The following TRIM16 variants were observed in gnomAD, a reference collection of about 807,000 sequenced individuals.
TRIM16 encodes the protein tripartite motif-containing protein 16.
In TRIM16, 33 loss-of-function variants were observed where a neutral mutation model predicts 50.4. The ratio of observed to expected loss-of-function variants is 0.65; its 90% CI spans 0.50 to 0.88. The LOEUF is 0.88. Among genes scored for constraint, TRIM16 ranks in the 40% least tolerant of loss-of-function variants. The pLI, the probability that TRIM16 is intolerant of heterozygous loss-of-function variation, is 0.00. For synonymous variants in TRIM16, 229 were observed against 270.7 expected (o/e 0.85, Z 1.51); for missense variants, 581 against 686.8 (o/e 0.85, Z 1.72).
intron 6 of TRIM16, among the ~76,000 whole-genome samples, chr17:15,659,158 T>G (rs894739601): frequency 1.3e-5 from 2 of 152,204 alleles, no homozygotes; most frequent in African/African-American, 4.8e-5. Flanking sequence ...ACCCCACTAC[T>G]GGATGAAGAA....
At chr17:15,644,263 G>A (rs1480479508) in intron 7 of TRIM16, among the ~76,000 whole-genome samples, 1 of 151,994 alleles carries the variant, frequency 6.6e-6, no homozygotes, top group Non-Finnish European at 1.5e-5. Flanking sequence ...TCGACTCACT[G>A]CAACCTCTGT....
At chr17:15,634,321 C>T (rs1463477357) in intron 9 of TRIM16, among the ~76,000 whole-genome samples, 1 of 146,078 alleles carries the variant, frequency 6.8e-6, no homozygotes, top group Admixed American at 6.8e-5. Context: ...AAGAGCAAGA[C>T]TCCGTCTCGA....
chr17:15,645,131 C>T (rs979037409), intron 7 of TRIM16, among the ~76,000 whole-genome samples: 3 of 152,280 alleles, frequency 2.0e-5, no homozygotes, highest in East Asian at 3.9e-4. Context: ...TATTTCACAA[C>T]TTAATATCTC....
chr17:15,665,760 C>T (rs1457129865), intron 6 of TRIM16, among the ~76,000 whole-genome samples: 4 of 151,792 alleles, frequency 2.6e-5, no homozygotes, highest in African/African-American at 7.3e-5. Context: ...TCCATTCCTA[C>T]GCCTTCAGTT....
rs1207336148 is a variant in TRIM16, at chr17:15,635,127, TG to T, written c.849+908del. On this transcript the variant is annotated intron_variant, in intron 9 of 11. Transcript: ENST00000649191. ...TTTTTCACAATAAACATTTGTTTTT[TG>T]TAACTAGCAGAGAATTTTTTCAAAA... is the stretch of plus-strand genomic sequence containing the variant. Among the ~76,000 whole-genome samples, 3 of 147,228 alleles carry T rather than the reference TG, an allele frequency of 2.0e-5. 1 individual carries two copies. Among genetic ancestry groups the T allele is most frequent in the Middle Eastern group, 3.5e-3 (1 of 288 alleles).
At chr17:15,635,994 T>A in intron 9 of TRIM16, 42 bp downstream of exon 9, 1 of 1,605,004 alleles carries the variant, frequency 6.2e-7, no homozygotes, top group Non-Finnish European at 8.5e-7. Context: ...GGGTGCTTCA[T>A]GGGGCAGCTG....
At chr17:15,630,346 G>A (rs546348741) in intron 11 of TRIM16, among the ~76,000 whole-genome samples, 1 of 152,194 alleles carries the variant, frequency 6.6e-6, no homozygotes, top group South Asian at 2.1e-4. Flanking sequence ...TTTAAACTTG[G>A]CACCCCTCTC....
chr17:15,680,030 GAAC>G (rs1989119991), intron 4 of TRIM16, among the ~76,000 whole-genome samples: 1 of 151,804 alleles, frequency 6.6e-6, no homozygotes, highest in South Asian at 2.1e-4. Context: ...AGTTTTTGTG[GAAC>G]AACACCTCTG....
intron 11 of TRIM16, 75 bp from the exon 12 acceptor site, chr17:15,629,273 T>C: frequency 1.2e-6 from 1 of 862,632 alleles, no homozygotes; most frequent in Non-Finnish European, 1.8e-6. Context: ...TAAACCCAGC[T>C]GGGCTCCAAA....
intron 6 of TRIM16, among the ~76,000 whole-genome samples, chr17:15,654,673 T>A (rs1987888003): frequency 6.6e-6 from 1 of 152,234 alleles, no homozygotes; most frequent in African/African-American, 2.4e-5. Flanking sequence ...AAACATGTTT[T>A]TTCCTTGAAA....
chr17:15,670,493 G>A (rs1481068719), intron 6 of TRIM16, among the ~76,000 whole-genome samples: 4 of 152,126 alleles, frequency 2.6e-5, no homozygotes, highest in Non-Finnish European at 5.9e-5. Context: ...TTTATGCAGG[G>A]TTGGGAGGTC....
intron 4 of TRIM16, among the ~76,000 whole-genome samples, chr17:15,680,489 AAAG>A (rs1989140809): frequency 6.6e-6 from 1 of 152,086 alleles, no homozygotes; most frequent in East Asian, 1.9e-4. Context: ...AAGTGAACAA[AAAG>A]AAGCTTGATT....
At chr17:15,644,130 T>A (rs149235212) in intron 7 of TRIM16, among the ~76,000 whole-genome samples, 2 of 152,226 alleles carry the variant, frequency 1.3e-5, no homozygotes, top group Admixed American at 1.3e-4. Context: ...ACACCCTCCA[T>A]GGACTTCCAC....
chr17:15,684,273 GC>G lies in TRIM16; in HGVS notation c.-977del, dbSNP rs1989292372. On this transcript the variant is annotated 5_prime_UTR_variant, in exon 1 of 12. Transcript: ENST00000649191. ...TGGGGGACAGGGAGGACACAGACTC[GC>G]CACGCGCGGAGATCCTCCAGAGAAA... The G allele has an allele frequency of 6.6e-6, 1 of 152,164 alleles. No homozygotes were observed. Among genetic ancestry groups the G allele is most frequent in the South Asian group, 2.1e-4 (1 of 4,822 alleles). 9.4% of individuals were successfully genotyped at this position (152,164 alleles called of 1,614,324 possible). A position where few individuals can be genotyped will look rare whatever the true frequency, so the allele number is the denominator to read the frequency against.
chr17:15,631,544 A>C, intron 11 of TRIM16, 75 bp downstream of exon 11: 1 of 1,387,968 alleles, frequency 7.2e-7, no homozygotes, highest in Non-Finnish European at 1.0e-6. Flanking sequence ...CCTAGATGAG[A>C]GATGGCGGTT....
intron 4 of TRIM16, among the ~76,000 whole-genome samples, chr17:15,678,219 A>G (rs1367386722): frequency 7.5e-6 from 1 of 133,078 alleles, no homozygotes; most frequent in Non-Finnish European, 1.6e-5. Flanking sequence ...ACTGTGTCTC[A>G]AAAAAAAAAA....
intron 6 of TRIM16, among the ~76,000 whole-genome samples, chr17:15,658,456 CA>C (rs1291577501): frequency 6.6e-6 from 1 of 152,130 alleles, no homozygotes; most frequent in Non-Finnish European, 1.5e-5. Context: ...CTATGATTCA[CA>C]AACACAGGTA....
chr17:15,683,487 T>C lies in TRIM16; in HGVS notation c.-898-330A>G, dbSNP rs544384535. ...TGCCTGGATTCTAATTTCCACTATG[T>C]GCTAGTTGGCTGGGTGACCTACAAC... On this transcript the variant is annotated intron_variant, in intron 1 of 11. Transcript: ENST00000649191. 7.5e-5 allele frequency: 14 copies of C among 187,244 alleles called. No individual in the cohort carries two copies. In the South Asian group the frequency reaches 1.5e-3, roughly 20 times the overall value. The allele number at this position is 187,244 out of a possible 1,614,324, so 11.6% of individuals were successfully genotyped here.
Position 15,680,888 on chromosome 17 carries a change from G to A in TRIM16, c.-613C>T. On this transcript the variant is annotated 5_prime_UTR_variant, in exon 4 of 12. Transcript: ENST00000649191. Reference sequence around the variant, plus strand: ...ACCTGGGACTCTGCTGTCCGGCAAAGAGCAGCCATATTTTCCTTCTTAAGA... The same window carrying A: ...ACCTGGGACTCTGCTGTCCGGCAAAAAGCAGCCATATTTTCCTTCTTAAGA... 1 of 1,546,810 alleles carries A rather than the reference G, an allele frequency of 6.5e-7. No individual in the cohort carries two copies. Among genetic ancestry groups the A allele is most frequent in the Non-Finnish European group, 8.7e-7 (1 of 1,146,108 alleles).
Sources: gnomAD v4.1 joint callset for allele counts (sites outside exome capture counted in the v4.1 genomes callset) on GRCh38, gnomAD v4.1.1 for gene constraint, MANE v1.5 for transcripts, NCBI Gene and HGNC (gene_info 2026-07-23, HGNC 2026-07-21) for gene names.